KCNMA1: variants seen among roughly 807,000 people sequenced by gnomAD.
KCNMA1 encodes the protein potassium calcium-activated channel subfamily M alpha 1.
Under a neutral mutation model 140.0 loss-of-function variants are expected in KCNMA1, and 29 were observed. The ratio of observed to expected loss-of-function variants is 0.21; its 90% CI spans 0.15 to 0.28. The LOEUF is 0.28. Ranked by LOEUF, KCNMA1 falls within the 10% of genes least tolerant of loss-of-function variation. The pLI is 1.00. For synonymous variants in KCNMA1, 612 were observed against 611.9 expected (o/e 1.00, Z 0.00); for missense variants, 880 against 1,602.2 (o/e 0.55, Z 7.70).
chr10:77,582,767 C>A (rs1225674918), intron 1 of KCNMA1, among the ~76,000 whole-genome samples: 1 of 152,238 alleles, frequency 6.6e-6, no homozygotes, highest in Non-Finnish European at 1.5e-5. Context: ...ACTTCTTGAC[C>A]TTGGTGGTGG....
chr10:77,332,453 A>G (rs771068564), intron 2 of KCNMA1, among the ~76,000 whole-genome samples: 1 of 152,128 alleles, frequency 6.6e-6, no homozygotes, highest in African/African-American at 2.4e-5. Flanking sequence ...TGTTAGTTCC[A>G]TGAGGGCTGT....
chr10:77,284,870 A>C (rs1320891468), intron 2 of KCNMA1, among the ~76,000 whole-genome samples: 2 of 152,168 alleles, frequency 1.3e-5, no homozygotes, highest in Non-Finnish European at 2.9e-5. Flanking sequence ...TTCTGTAAAT[A>C]TATGTAATTG....
intron 3 of KCNMA1, among the ~76,000 whole-genome samples, chr10:77,227,624 C>T (rs889061029): frequency 7.2e-5 from 11 of 152,210 alleles, no homozygotes; most frequent in African/African-American, 2.7e-4. Context: ...ATTTCTCTGT[C>T]ATTATCAGGG....
intron 2 of KCNMA1, among the ~76,000 whole-genome samples, chr10:77,359,233 G>C (rs117438980): frequency 4.6e-5 from 7 of 152,306 alleles, no homozygotes; most frequent in Non-Finnish European, 1.0e-4. Context: ...AATCTCATAG[G>C]TGTGGAAGCA....
At chr10:77,479,264 C>G (rs953736332) in intron 1 of KCNMA1, among the ~76,000 whole-genome samples, 1 of 152,118 alleles carries the variant, frequency 6.6e-6, no homozygotes, top group African/African-American at 2.4e-5. Context: ...GCTGATGAAA[C>G]AAAGAGACAG....
chr10:77,025,214 T>G, intron 16 of KCNMA1, among the ~76,000 whole-genome samples: 1 of 133,688 alleles, frequency 7.5e-6, no homozygotes, highest in Non-Finnish European at 1.6e-5. Flanking sequence ...TTCCAATTTA[T>G]GTACTCTAGT....
intron 1 of KCNMA1, among the ~76,000 whole-genome samples, chr10:77,457,590 A>AT (rs2097781706): frequency 6.6e-6 from 1 of 151,600 alleles, no homozygotes; most frequent in South Asian, 2.1e-4. Flanking sequence ...CTGCCTCTCC[A>AT]TTTTTTGCTT....
intron 23 of KCNMA1, among the ~76,000 whole-genome samples, chr10:76,941,063 GAAAGAAAA>G (rs2062006178): frequency 6.9e-5 from 7 of 100,970 alleles, no homozygotes; most frequent in East Asian, 2.5e-4. Context: ...GAGAAAGAAA[GAAAGAAAA>G]AGAAAGAAAG....
rs111984716 is a variant in KCNMA1 at position 76,972,793 on chromosome 10, C to T, written c.2267-2726G>A. The stretch of plus-strand genomic sequence containing the variant: ...AATGTCTCCAGCTTAAATATATGAA[C>T]GCTGTGTAATGGAGACCATTACATA... On this transcript the variant is annotated intron_variant, in intron 19 of 27. Transcript: ENST00000286628. Among the ~76,000 whole-genome samples, 8 of 152,210 alleles carry T rather than the reference C, an allele frequency of 5.3e-5. No individual in the cohort carries two copies. The East Asian group carries it at 5.8e-4, about 11-fold the overall frequency.
intron 1 of KCNMA1, among the ~76,000 whole-genome samples, chr10:77,421,529 G>A (rs1286335672): frequency 6.6e-6 from 1 of 152,174 alleles, no homozygotes. Context: ...CTCTGTTGCT[G>A]GGGGGCAAAA....
At chr10:77,489,209 G>T (rs2098502289) in intron 1 of KCNMA1, among the ~76,000 whole-genome samples, 1 of 152,162 alleles carries the variant, frequency 6.6e-6, no homozygotes, top group African/African-American at 2.4e-5. Flanking sequence ...TTTAGCATAA[G>T]TATGTCTCAA....
At chr10:77,244,362 T>A (rs1001405975) in intron 3 of KCNMA1, among the ~76,000 whole-genome samples, 1 of 152,208 alleles carries the variant, frequency 6.6e-6, no homozygotes, top group Non-Finnish European at 1.5e-5. Flanking sequence ...AGTCCTCCTG[T>A]CCTTTCCTAG....
At chr10:77,081,435 G>A (rs1209111104) in intron 12 of KCNMA1, among the ~76,000 whole-genome samples, 1 of 152,112 alleles carries the variant, frequency 6.6e-6, no homozygotes, top group Non-Finnish European at 1.5e-5. Context: ...GCTAAAGAAT[G>A]GAATTCCACA....
chr10:77,055,334 C>A (rs763673435), intron 14 of KCNMA1, among the ~76,000 whole-genome samples: 1 of 152,166 alleles, frequency 6.6e-6, no homozygotes, highest in Admixed American at 6.5e-5. Flanking sequence ...CTCGAGGCAG[C>A]CAGAACCTGG....
At chr10:77,631,590 G>C (rs1441030140) in intron 1 of KCNMA1, among the ~76,000 whole-genome samples, 4 of 152,164 alleles carry the variant, frequency 2.6e-5, no homozygotes, top group African/African-American at 9.7e-5. Flanking sequence ...CATTGCAATC[G>C]AATGCCAATG....
chr10:76,954,588 G>C (rs1463762853), intron 20 of KCNMA1, among the ~76,000 whole-genome samples: 2 of 152,148 alleles, frequency 1.3e-5, no homozygotes, highest in African/African-American at 2.4e-5. Context: ...CCCACATCTG[G>C]AATACATGAT....
intron 1 of KCNMA1, among the ~76,000 whole-genome samples, chr10:77,405,155 T>C (rs2096430567): frequency 6.6e-6 from 1 of 152,218 alleles, no homozygotes; most frequent in Non-Finnish European, 1.5e-5. Context: ...GGAATACTCT[T>C]CTCCCACAGA....
At chr10:76,998,630 G>A (rs2085160638) in intron 19 of KCNMA1, among the ~76,000 whole-genome samples, 1 of 152,120 alleles carries the variant, frequency 6.6e-6, no homozygotes, top group Non-Finnish European at 1.5e-5. Flanking sequence ...CCCTTCTCCT[G>A]CCATTTCTAA....
intron 2 of KCNMA1, among the ~76,000 whole-genome samples, chr10:77,278,643 T>C (rs2067409181): frequency 6.6e-6 from 1 of 152,180 alleles, no homozygotes; most frequent in Non-Finnish European, 1.5e-5. Flanking sequence ...TTCTCTGCCA[T>C]ATGCGGTCAC....
Sources: gnomAD v4.1 joint callset for allele counts (sites outside exome capture counted in the v4.1 genomes callset) on GRCh38, gnomAD v4.1.1 for gene constraint, MANE v1.5 for transcripts, NCBI Gene and HGNC (gene_info 2026-07-23, HGNC 2026-07-21) for gene names.